The following SERPINB2 variants were observed in gnomAD, a reference collection of about 807,000 sequenced individuals.
SERPINB2 encodes serpin family B member 2.
Under a neutral mutation model 39.4 loss-of-function variants are expected in SERPINB2, and 28 were observed. That is an observed-to-expected ratio of 0.71 (90% CI 0.53 to 0.97). The LOEUF (loss-of-function observed/expected upper bound fraction) is 0.97. SERPINB2 is among the 50% of genes least tolerant of loss of function. The probability of loss-of-function intolerance (pLI) is 0.00; values close to 1 mark genes in which losing one functional copy is unlikely to be tolerated. For synonymous variants in SERPINB2, 209 were observed against 175.1 expected (o/e 1.19, Z -1.53); for missense variants, 557 against 505.3 (o/e 1.10, Z -0.98).
At chr18:63,895,969 T>C (rs2049957178) in intron 3 of SERPINB2, among the ~76,000 whole-genome samples, 1 of 152,242 alleles carries the variant, frequency 6.6e-6, no homozygotes, top group Non-Finnish European at 1.5e-5. Context: ...ATCAATCAGC[T>C]ATCTCGGGGA....
rs761615586 is a variant in SERPINB2 at position 63,895,247 on chromosome 18, T to A, written c.169-17T>A. 1 of 1,612,456 alleles carries A rather than the reference T, an allele frequency of 6.2e-7. No individual in the cohort carries two copies. The highest frequency in any genetic ancestry group is 2.2e-5 in the East Asian group (1 of 44,866). ...TCCGTGGGCAAGTGTAACCGTTTTC[T>A]CTAATTCTGATTGCAGGTGCTTCAG... On this transcript the variant is annotated splice_polypyrimidine_tract_variant and intron_variant, in intron 2 of 7. Transcript: ENST00000299502.
intron 3 of SERPINB2, among the ~76,000 whole-genome samples, chr18:63,895,986 C>T (rs1250019630): frequency 6.6e-6 from 1 of 152,078 alleles, no homozygotes; most frequent in East Asian, 1.9e-4. Context: ...GGGAGTAACA[C>T]CTTTCCTCAG....
chr18:63,903,460 T>G lies in SERPINB2; in HGVS notation c.*155T>G. On this transcript the variant is annotated 3_prime_UTR_variant, in exon 8 of 8. Transcript: ENST00000299502. ...CCACTAAATAAAAACACAGAAATAA[T>G]TAGACAATTGTCTATTATAACATGA... 6.5e-6 allele frequency: 4 copies of G among 617,536 alleles called. No individual in the cohort carries two copies. The highest frequency in any genetic ancestry group is 6.6e-5 in the East Asian group (2 of 30,248). 38.3% of individuals were successfully genotyped at this position (617,536 alleles called of 1,614,324 possible).
intron 1 of SERPINB2, among the ~76,000 whole-genome samples, chr18:63,888,007 A>G (rs2049903706): frequency 6.6e-6 from 1 of 152,234 alleles, no homozygotes; most frequent in Non-Finnish European, 1.5e-5. Flanking sequence ...CCTTTGTAGC[A>G]TTAACCAAAA....
chr18:63,901,734 C>T lies in SERPINB2; in HGVS notation c.536-6C>T. On this transcript the variant is annotated splice_region_variant and splice_polypyrimidine_tract_variant and intron_variant, in intron 5 of 7. Transcript: ENST00000299502. The stretch of plus-strand genomic sequence containing the variant: ...GAAACCTAAATATATGTTATGTTTT[C>T]TGTAGGCAAAATCCCAAACTTGTTA... 6.5e-7 allele frequency: 1 copy of T among 1,536,404 alleles called. No individual in the cohort carries two copies. Among genetic ancestry groups the T allele is most frequent in the Non-Finnish European group, 8.7e-7 (1 of 1,152,522 alleles).
intron 5 of SERPINB2, among the ~76,000 whole-genome samples, chr18:63,899,903 G>A (rs1177639533): frequency 6.6e-6 from 1 of 152,072 alleles, no homozygotes; most frequent in Non-Finnish European, 1.5e-5. Context: ...GAAAATAATT[G>A]ATTTCCTTTT....
intron 1 of SERPINB2, chr18:63,890,221 A>G (rs190811682): frequency 1.3e-5 from 2 of 152,168 alleles, no homozygotes; most frequent in Admixed American, 6.5e-5. Context: ...AAAAAAAAAG[A>G]GTTCATGAAT....
In SERPINB2 at chr18:63,902,265, T is replaced by C. The variant is rs2049996573; in HGVS notation, c.679-139T>C. On this transcript the variant is annotated intron_variant, in intron 6 of 7. Coordinates refer to ENST00000299502, the MANE Select transcript of SERPINB2 (RefSeq NM_002575.3). The stretch of plus-strand genomic sequence containing the variant: ...CATCAGAGTACCCACTGTAAGGATG[T>C]ACAAATAATTTATTTTGTTGATTTA... 6 of 721,790 alleles carry C rather than the reference T, an allele frequency of 8.3e-6. No individual in the cohort carries two copies. The East Asian group carries it at 1.7e-4, about 21-fold the overall frequency. The allele number at this position is 721,790 out of a possible 1,614,324, so 44.7% of individuals were successfully genotyped here. A position where few individuals can be genotyped will look rare whatever the true frequency, so the allele number is the denominator to read the frequency against.
At chr18:63,896,950 G>T in intron 3 of SERPINB2, 141 bp from the exon 4 acceptor site, 1 of 622,874 alleles carries the variant, frequency 1.6e-6, no homozygotes. Context: ...TTTTCTCAAA[G>T]ATTCCTCTAA....
chr18:63,895,357 G>T lies in SERPINB2; in HGVS notation c.262G>T (p.Gly88Cys). 1 of 1,613,988 alleles carries T rather than the reference G, an allele frequency of 6.2e-7. No homozygotes were observed. Among genetic ancestry groups the T allele is most frequent in the Non-Finnish European group, 8.5e-7 (1 of 1,179,952 alleles). Residue 88 changes from glycine (G) to cysteine (C), a missense_variant, in exon 3 of 8, where the codon GGT becomes TGT. By Grantham distance (159) the Gly-to-Cys change is radical. Coordinates refer to ENST00000299502, the MANE Select transcript of SERPINB2 (RefSeq NM_002575.3). Reference sequence around the variant, plus strand: ...TGGGTTCATGCAGCAGATCCAGAAGGGTAGTTATCCTGATGCGATTTTGCA... The same window carrying T: ...TGGGTTCATGCAGCAGATCCAGAAGTGTAGTTATCCTGATGCGATTTTGCA... ...SCGFMQQIQK[G>C]SYPDAILQAQ...
Position 63,897,131 on chromosome 18 carries a change from T to C in SERPINB2, c.329T>C (p.Leu110Pro), listed in dbSNP as rs1297060514. ...ADKIHSSFRS[L>P]SSAINASTGN... is the part of the protein sequence containing the mutation. ...AAAATCCATTCATCCTTCCGCTCTC[T>C]CAGCTCTGCAATCAATGCATCCACA... is the stretch of plus-strand genomic sequence containing the variant. The change falls in exon 4 of 8, where the codon CTC becomes CCC. Residue 110 changes from leucine to proline, a missense_variant. By Grantham distance (98) the Leu-to-Pro change is moderately conservative. Transcript: ENST00000299502. The C allele has an allele frequency of 3.1e-6, 5 of 1,613,452 alleles. No individual in the cohort carries two copies. The South Asian group carries it at 4.4e-5, about 14-fold the overall frequency.
At chr18:63,897,035 C>G in intron 3 of SERPINB2, 56 bp from the exon 4 acceptor site, 1 of 1,525,392 alleles carries the variant, frequency 6.6e-7, no homozygotes, top group Admixed American at 1.9e-5. Flanking sequence ...GGCTTAAGAA[C>G]TATCTTGTTT....
intron 6 of SERPINB2, 64 bp from the exon 7 acceptor site, chr18:63,902,340 T>C: frequency 2.9e-6 from 4 of 1,394,608 alleles, no homozygotes; most frequent in Non-Finnish European, 3.9e-6. Flanking sequence ...CTCCTTTATG[T>C]CTAATTGTAA....
intron 5 of SERPINB2, among the ~76,000 whole-genome samples, chr18:63,899,943 A>G (rs915767292): frequency 1.2e-4 from 18 of 152,192 alleles, no homozygotes; most frequent in African/African-American, 4.1e-4. Flanking sequence ...GGATTTGTGA[A>G]ATACTGTTCT....
chr18:63,893,091 C>T (rs1284970452), intron 2 of SERPINB2, among the ~76,000 whole-genome samples: 1 of 152,080 alleles, frequency 6.6e-6, no homozygotes, highest in Admixed American at 6.6e-5. Flanking sequence ...TGCCACGATG[C>T]CCATCTAATT....
chr18:63,900,533 G>A (rs1390701396), intron 5 of SERPINB2, among the ~76,000 whole-genome samples: 1 of 152,186 alleles, frequency 6.6e-6, no homozygotes, highest in Non-Finnish European at 1.5e-5. Context: ...GAGAGGCACA[G>A]CTCAGGGCAG....
chr18:63,902,696 T>A (rs975426134), intron 7 of SERPINB2, 128 bp downstream of exon 7: 69 of 1,080,628 alleles, frequency 6.4e-5, no homozygotes, highest in Non-Finnish European at 8.9e-5. Context: ...ATAGTAAATA[T>A]GGCATGCCTC....
intron 1 of SERPINB2, among the ~76,000 whole-genome samples, chr18:63,890,322 C>G (rs992443031): frequency 6.6e-6 from 1 of 152,140 alleles, no homozygotes; most frequent in Non-Finnish European, 1.5e-5. Flanking sequence ...AAGACCAGAG[C>G]CAGAGGACAT....
intron 5 of SERPINB2, 84 bp from the exon 6 acceptor site, chr18:63,901,656 A>T: frequency 2.1e-6 from 2 of 945,804 alleles, no homozygotes; most frequent in Non-Finnish European, 3.0e-6. Flanking sequence ...TGAAGAATTT[A>T]GTTTGATGGC....
Sources: allele counts gnomAD v4.1 joint callset (sites outside exome capture counted in the v4.1 genomes callset), GRCh38; gene constraint gnomAD v4.1.1; transcripts MANE v1.5; gene names NCBI Gene and HGNC (gene_info 2026-07-23, HGNC 2026-07-21).